The following PRKAR2B variants were observed in gnomAD, a reference collection of about 807,000 sequenced individuals.
The protein encoded by PRKAR2B is cAMP-dependent protein kinase type II-beta regulatory subunit.
A neutral mutation model predicts 49.9 loss-of-function variants in PRKAR2B; 14 were observed. That is an observed-to-expected ratio of 0.28 (90% CI 0.19 to 0.44). The LOEUF is 0.44. Among genes scored for constraint, PRKAR2B ranks in the 20% least tolerant of loss-of-function variants. The pLI is 1.00. For missense variants in PRKAR2B, 393 were observed against 537.9 expected, an observed-to-expected ratio of 0.73 and a Z score of 2.67; for synonymous variants, 196 against 197.7, an observed-to-expected ratio of 0.99 and a Z score of 0.07.
intron 8 of PRKAR2B, among the ~76,000 whole-genome samples, chr7:107,155,047 G>C (rs1418480445): frequency 6.6e-6 from 1 of 152,040 alleles, no homozygotes; most frequent in Non-Finnish European, 1.5e-5. Flanking sequence ...TGCGATGTTA[G>C]GATGACGCAG....
intron 4 of PRKAR2B, among the ~76,000 whole-genome samples, chr7:107,137,204 GT>G (rs1795715068): frequency 6.6e-6 from 1 of 152,206 alleles, no homozygotes; most frequent in Admixed American, 6.5e-5. Context: ...AACAGTCCCA[GT>G]TATGGCCTCT....
chr7:107,097,220 A>T (rs1457790585), intron 2 of PRKAR2B, among the ~76,000 whole-genome samples: 1 of 152,134 alleles, frequency 6.6e-6, no homozygotes, highest in East Asian at 1.9e-4. Flanking sequence ...TACATTTAGG[A>T]TAGTTAGCTC....
intron 2 of PRKAR2B, among the ~76,000 whole-genome samples, chr7:107,092,277 C>T (rs201549396): frequency 6.8e-6 from 1 of 146,006 alleles, no homozygotes; most frequent in African/African-American, 2.5e-5. Context: ...GTGCGTGTGT[C>T]TGTGTGTGTG....
At chr7:107,057,736 A>G (rs1333457117) in intron 1 of PRKAR2B, among the ~76,000 whole-genome samples, 2 of 152,108 alleles carry the variant, frequency 1.3e-5, no homozygotes, top group Non-Finnish European at 2.9e-5. Flanking sequence ...AATTAACAGT[A>G]CCTGGCATAC....
chr7:107,158,781 TTTTTTATC>T (rs922582987), intron 10 of PRKAR2B, among the ~76,000 whole-genome samples: 1 of 152,184 alleles, frequency 6.6e-6, no homozygotes, highest in African/African-American at 2.4e-5. Flanking sequence ...AAACATTGCC[TTTTTTATC>T]TTTTTATCTT....
At chr7:107,103,005 A>T (rs1795003099) in intron 2 of PRKAR2B, among the ~76,000 whole-genome samples, 1 of 152,174 alleles carries the variant, frequency 6.6e-6, no homozygotes, top group Non-Finnish European at 1.5e-5. Context: ...ATTACTGCAT[A>T]GCTCCCTTAA....
At chr7:107,148,334 A>G (rs1399180145) in intron 6 of PRKAR2B, among the ~76,000 whole-genome samples, 2 of 152,226 alleles carry the variant, frequency 1.3e-5, no homozygotes, top group Non-Finnish European at 2.9e-5. Flanking sequence ...TCTTCAGAAT[A>G]AGATCAACTG....
chr7:107,086,253 A>G (rs1794618406), intron 2 of PRKAR2B, among the ~76,000 whole-genome samples: 1 of 152,064 alleles, frequency 6.6e-6, no homozygotes, highest in African/African-American at 2.4e-5. Flanking sequence ...GGGCTTTACT[A>G]CTAACTAGTT....
chr7:107,151,761 T>G (rs1444311528), intron 7 of PRKAR2B, among the ~76,000 whole-genome samples: 5 of 152,156 alleles, frequency 3.3e-5, no homozygotes, highest in Non-Finnish European at 2.9e-5. Flanking sequence ...GGCTGGGCGT[T>G]GTGGCTCTCT....
intron 1 of PRKAR2B, among the ~76,000 whole-genome samples, chr7:107,053,642 A>G (rs921871217): frequency 9.9e-5 from 15 of 151,940 alleles, no homozygotes; most frequent in African/African-American, 2.9e-4. Flanking sequence ...GGAAAATTCT[A>G]TCTTATAAAA....
At chr7:107,104,453 A>G (rs1026838216) in intron 2 of PRKAR2B, among the ~76,000 whole-genome samples, 7 of 152,156 alleles carry the variant, frequency 4.6e-5, no homozygotes, top group African/African-American at 1.7e-4. Context: ...TATCCCATGT[A>G]TTTAACTTTT....
intron 1 of PRKAR2B, among the ~76,000 whole-genome samples, chr7:107,056,513 C>T (rs1263589829): frequency 2.6e-5 from 4 of 152,126 alleles, no homozygotes; most frequent in African/African-American, 9.7e-5. Flanking sequence ...TTGTAGTTCT[C>T]CTTGAAGAGG....
At chr7:107,113,595 A>G (rs1467422058) in intron 2 of PRKAR2B, among the ~76,000 whole-genome samples, 7 of 152,216 alleles carry the variant, frequency 4.6e-5, no homozygotes, top group Admixed American at 6.5e-5. Context: ...TTAGTCGCAA[A>G]CAACATTGAC....
At chr7:107,126,731 T>C (rs1795502982) in intron 3 of PRKAR2B, among the ~76,000 whole-genome samples, 1 of 152,110 alleles carries the variant, frequency 6.6e-6, no homozygotes, top group Non-Finnish European at 1.5e-5. Flanking sequence ...TAGCCTTCCT[T>C]ATTTGAAGTA....
At chr7:107,092,377 C>T (rs1794747577) in intron 2 of PRKAR2B, among the ~76,000 whole-genome samples, 1 of 151,544 alleles carries the variant, frequency 6.6e-6, no homozygotes, top group Non-Finnish European at 1.5e-5. Flanking sequence ...CTTTATAGTC[C>T]TACCTATTCC....
Position 107,116,397 on chromosome 7 carries a change from A to G in PRKAR2B, c.344-5555A>G, listed in dbSNP as rs576297428. Reference sequence around the variant, plus strand: ...ATATCGTCATTGTGGCACTGATGTTATCATGATCATTCTATTTCTGTCTTG... The same window carrying G: ...ATATCGTCATTGTGGCACTGATGTTGTCATGATCATTCTATTTCTGTCTTG... On this transcript the variant is annotated intron_variant, in intron 2 of 10. Coordinates refer to ENST00000265717, the MANE Select transcript of PRKAR2B (RefSeq NM_002736.3). 6.6e-4 allele frequency among the ~76,000 whole-genome samples: 101 copies of G among 152,226 alleles called. 1 individual carries two copies. In the South Asian group the frequency reaches 8.9e-3, roughly 13 times the overall value.
intron 2 of PRKAR2B, among the ~76,000 whole-genome samples, chr7:107,111,545 T>G (rs1443027634): frequency 6.6e-6 from 1 of 152,098 alleles, no homozygotes; most frequent in African/African-American, 2.4e-5. Flanking sequence ...GTCTCTGTGT[T>G]TGTTTGGGAG....
intron 1 of PRKAR2B, among the ~76,000 whole-genome samples, chr7:107,064,031 G>A (rs1459309599): frequency 6.6e-6 from 1 of 152,180 alleles, no homozygotes; most frequent in Non-Finnish European, 1.5e-5. Context: ...CTTGACAGTG[G>A]CGTTTCCCAC....
intron 2 of PRKAR2B, among the ~76,000 whole-genome samples, chr7:107,113,651 T>C (rs1313080431): frequency 2.0e-5 from 3 of 152,186 alleles, no homozygotes; most frequent in Non-Finnish European, 4.4e-5. Context: ...TCCGAATTAT[T>C]CTTCTCGCTC....
Sources: allele counts gnomAD v4.1 joint callset (sites outside exome capture counted in the v4.1 genomes callset), GRCh38; gene constraint gnomAD v4.1.1; transcripts MANE v1.5; gene names NCBI Gene and HGNC (gene_info 2026-07-23, HGNC 2026-07-21).